The following PAM variants were observed in gnomAD, a reference collection of about 807,000 sequenced individuals.
PAM encodes peptidylglycine alpha-amidating monooxygenase.
Under a neutral mutation model 122.1 loss-of-function variants are expected in PAM, and 72 were observed. The ratio of observed to expected loss-of-function variants is 0.59; its 90% CI spans 0.49 to 0.72. The LOEUF is 0.72. Ranked by LOEUF, PAM falls within the 30% of genes least tolerant of loss-of-function variation. The pLI is 0.00. For missense variants in PAM, 1,106 were observed against 1,183.7 expected (o/e 0.93, Z 0.96); for synonymous variants, 389 against 404.4 (o/e 0.96, Z 0.46).
intron 7 of PAM, among the ~76,000 whole-genome samples, chr5:102,943,221 G>A (rs986317660): frequency 1.1e-4 from 17 of 152,130 alleles, no homozygotes; most frequent in African/African-American, 4.1e-4. Context: ...TATCTCTAGA[G>A]GAAAAATTAG....
At chr5:102,822,768 A>G (rs1772380615) in intron 1 of PAM, among the ~76,000 whole-genome samples, 1 of 152,172 alleles carries the variant, frequency 6.6e-6, no homozygotes, top group South Asian at 2.1e-4. Flanking sequence ...AACCAAATGC[A>G]GGAAAGAGCA....
At chr5:102,792,965 G>A (rs1762434516) in intron 1 of PAM, among the ~76,000 whole-genome samples, 1 of 151,996 alleles carries the variant, frequency 6.6e-6, no homozygotes, top group Non-Finnish European at 1.5e-5. Context: ...AAGTAACATT[G>A]GAATAATTTT....
intron 22 of PAM, among the ~76,000 whole-genome samples, chr5:103,018,277 TTGA>T (rs1368633243): frequency 2.6e-5 from 4 of 151,968 alleles, no homozygotes; most frequent in Non-Finnish European, 4.4e-5. Context: ...ATATGTAAAC[TTGA>T]TGAAGAAAAA....
chr5:102,991,204 T>C (rs1482649327), intron 16 of PAM, among the ~76,000 whole-genome samples: 3 of 152,142 alleles, frequency 2.0e-5, no homozygotes, highest in Admixed American at 6.6e-5. Context: ...AACTCCAGAG[T>C]TGGCCCACTT....
chr5:102,926,786 G>T, intron 7 of PAM, 118 bp downstream of exon 7: 1 of 593,290 alleles, frequency 1.7e-6, no homozygotes, highest in Non-Finnish European at 3.0e-6. Flanking sequence ...CCCACTAGGG[G>T]ATAACAGCTT....
chr5:102,976,946 C>A (rs1767870117), intron 15 of PAM, among the ~76,000 whole-genome samples: 1 of 152,148 alleles, frequency 6.6e-6, no homozygotes, highest in East Asian at 1.9e-4. Flanking sequence ...GAACACTGGA[C>A]CCTCACTGCT....
intron 1 of PAM, among the ~76,000 whole-genome samples, chr5:102,846,635 A>G (rs1409420640): frequency 6.6e-6 from 1 of 152,228 alleles, no homozygotes; most frequent in Non-Finnish European, 1.5e-5. Context: ...CTTCATGGAC[A>G]TCCCAGAATA....
At chr5:102,765,218 C>T (rs917274519) in intron 1 of PAM, among the ~76,000 whole-genome samples, 7 of 152,108 alleles carry the variant, frequency 4.6e-5, no homozygotes, top group African/African-American at 1.7e-4. Flanking sequence ...ATTCATTTTT[C>T]CTAGAAAAGA....
intron 3 of PAM, among the ~76,000 whole-genome samples, chr5:102,899,942 G>A (rs573365279): frequency 1.3e-5 from 2 of 151,566 alleles, no homozygotes; most frequent in Non-Finnish European, 3.0e-5. Flanking sequence ...ACAGGAGGCA[G>A]TGGTGTCGAT....
At chr5:102,861,591 A>T (rs990144860) in intron 1 of PAM, among the ~76,000 whole-genome samples, 5 of 152,178 alleles carry the variant, frequency 3.3e-5, no homozygotes, top group Non-Finnish European at 7.4e-5. Flanking sequence ...TATTTTACTA[A>T]TAAAAGACAT....
intron 3 of PAM, among the ~76,000 whole-genome samples, chr5:102,879,348 T>C (rs575599983): frequency 2.4e-4 from 36 of 152,264 alleles, no homozygotes; most frequent in African/African-American, 8.7e-4. Context: ...CCAGAGAAAC[T>C]TCCAGTCCTT....
intron 3 of PAM, among the ~76,000 whole-genome samples, chr5:102,883,234 G>GT: frequency 6.6e-6 from 1 of 151,746 alleles, no homozygotes; most frequent in East Asian, 1.9e-4. Context: ...TTTTAGGATT[G>GT]TTTTTTTCTA....
intron 19 of PAM, 120 bp downstream of exon 19, chr5:103,007,131 C>G: frequency 1.4e-6 from 1 of 727,978 alleles, no homozygotes; most frequent in Non-Finnish European, 2.3e-6. Flanking sequence ...TCATTGTAAC[C>G]TGGGTCATTG....
In PAM at chr5:103,009,813, G is replaced by C. The variant is rs1780093911; in HGVS notation, c.2278G>C (p.Val760Leu). ...FGDQEPVQGF[V>L]MNFSNGEIID... Reference sequence around the variant, plus strand: ...GGACCAAGAACCTGTACAAGGATTTGTGATGAACTTTTCCAATGGGGAAAT... The same window carrying C: ...GGACCAAGAACCTGTACAAGGATTTCTGATGAACTTTTCCAATGGGGAAAT... The change falls in exon 21 of 26, where the codon GTG (valine) becomes CTG (leucine). Residue 760 changes from valine to leucine, a missense_variant. Val to Leu is a conservative substitution (Grantham distance 32). Transcript: ENST00000438793. 1.2e-6 allele frequency: 2 copies of C among 1,612,354 alleles called. No homozygotes were observed. The highest frequency in any genetic ancestry group is 1.7e-6 in the Non-Finnish European group (2 of 1,178,762).
chr5:102,842,538 A>G (rs1778915724), intron 1 of PAM, among the ~76,000 whole-genome samples: 1 of 152,154 alleles, frequency 6.6e-6, no homozygotes, highest in South Asian at 2.1e-4. Flanking sequence ...ACCCATGTGG[A>G]ACTTTAAGTC....
At chr5:103,007,859 A>G (rs1446320852) in intron 20 of PAM, among the ~76,000 whole-genome samples, 2 of 152,122 alleles carry the variant, frequency 1.3e-5, no homozygotes, top group African/African-American at 2.4e-5. Context: ...GAAGAACTCA[A>G]AGGATTTAAC....
chr5:102,784,174 T>C (rs904009280), intron 1 of PAM, among the ~76,000 whole-genome samples: 2 of 151,784 alleles, frequency 1.3e-5, no homozygotes, highest in Non-Finnish European at 1.5e-5. Flanking sequence ...ATTACAGGCG[T>C]GAGCCACCGC....
chr5:102,977,658 G>GCACACAAACACACACACACACACA (rs1768143490), intron 15 of PAM, among the ~76,000 whole-genome samples: 1 of 142,932 alleles, frequency 7.0e-6, no homozygotes, highest in South Asian at 2.4e-4. Context: ...ATGCATGTGC[G>GCACACAAACACACACACACACACA]CACACACACA....
chr5:102,839,560 G>T lies in PAM; in HGVS notation c.-373-26263G>T, dbSNP rs990340700. On this transcript the variant is annotated intron_variant, in intron 1 of 25. Coordinates refer to ENST00000438793, the MANE Select transcript of PAM (RefSeq NM_001177306.2). ...TCAAAAAAAAAAAAAAAAAAAAATTGTGCCAGTTACATTTGAATAAGGTGT... is the reference window on the plus strand; with the variant it reads ...TCAAAAAAAAAAAAAAAAAAAAATTTTGCCAGTTACATTTGAATAAGGTGT... 5.4e-5 allele frequency among the ~76,000 whole-genome samples: 8 copies of T among 147,368 alleles called. No homozygotes were observed. In the East Asian group the frequency reaches 1.4e-3, roughly 26 times the overall value.
Sources: allele counts gnomAD v4.1 joint callset (sites outside exome capture counted in the v4.1 genomes callset), GRCh38; gene constraint gnomAD v4.1.1; transcripts MANE v1.5; gene names NCBI Gene and HGNC (gene_info 2026-07-23, HGNC 2026-07-21).